SGMS2: variants seen among roughly 807,000 people sequenced by gnomAD.
SGMS2 encodes phosphatidylcholine:ceramide cholinephosphotransferase 2.
SGMS2 carries 21 observed loss-of-function variants against 43.8 expected under a neutral mutation model. The ratio of observed to expected loss-of-function variants is 0.48; its 90% CI spans 0.34 to 0.69. The LOEUF is 0.69. SGMS2 is among the 30% of genes least tolerant of loss of function. The pLI, the probability that SGMS2 is intolerant of heterozygous loss-of-function variation, is 0.01. For missense variants in SGMS2, 384 were observed against 443.2 expected (o/e 0.87, Z 1.20); for synonymous variants, 167 against 160.6 (o/e 1.04, Z -0.30).
At chr4:107,894,755 T>G (rs1304282707) in intron 2 of SGMS2, among the ~76,000 whole-genome samples, 1 of 152,222 alleles carries the variant, frequency 6.6e-6, no homozygotes, top group African/African-American at 2.4e-5. Flanking sequence ...ATTTTAAAAA[T>G]CTTGAATGTG....
intron 5 of SGMS2, chr4:107,907,119 TGA>T: frequency 6.6e-6 from 1 of 152,290 alleles, no homozygotes; most frequent in East Asian, 1.9e-4. Context: ...TGAGATTCCA[TGA>T]GTTTTCTTCC....
At chr4:107,908,799 G>A (rs1578674251) in intron 6 of SGMS2, 68 bp downstream of exon 6, 4 of 1,446,950 alleles carry the variant, frequency 2.8e-6, no homozygotes, top group East Asian at 2.3e-5. Context: ...TCATGTCGTG[G>A]GGTTTTAGAT....
chr4:107,847,026 T>G (rs373969017), intron 1 of SGMS2, among the ~76,000 whole-genome samples: 1 of 152,178 alleles, frequency 6.6e-6, no homozygotes, highest in Non-Finnish European at 1.5e-5. Flanking sequence ...CTTTGTCAGA[T>G]GAGTAGATTG....
intron 1 of SGMS2, among the ~76,000 whole-genome samples, chr4:107,848,505 G>T (rs986335523): frequency 6.6e-6 from 1 of 152,152 alleles, no homozygotes; most frequent in African/African-American, 2.4e-5. Context: ...CTGTCCACCA[G>T]TGTGGGTGGA....
At chr4:107,909,494 T>C (rs1731926739) in intron 6 of SGMS2, among the ~76,000 whole-genome samples, 1 of 152,200 alleles carries the variant, frequency 6.6e-6, no homozygotes, top group South Asian at 2.1e-4. Context: ...ATAATGGTGC[T>C]CTCTGGCTTC....
intron 1 of SGMS2, among the ~76,000 whole-genome samples, chr4:107,850,281 C>A (rs1727064338): frequency 6.6e-6 from 1 of 152,090 alleles, no homozygotes; most frequent in South Asian, 2.1e-4. Context: ...AACCTCTTTT[C>A]TTTATAAATT....
At chr4:107,825,335 T>C (rs1237011057) in intron 1 of SGMS2, 82 bp downstream of exon 1, 4 of 152,346 alleles carry the variant, frequency 2.6e-5, no homozygotes, top group African/African-American at 9.7e-5. Context: ...GAAAGGTGGA[T>C]TGCGAAGCGG....
intron 1 of SGMS2, among the ~76,000 whole-genome samples, chr4:107,852,095 G>T (rs1727181698): frequency 6.6e-6 from 1 of 150,622 alleles, no homozygotes; most frequent in East Asian, 1.9e-4. Flanking sequence ...TTGAGACAGA[G>T]TCTCACTTTT....
intron 1 of SGMS2, among the ~76,000 whole-genome samples, chr4:107,856,004 A>T (rs1325840369): frequency 6.6e-6 from 1 of 152,156 alleles, no homozygotes; most frequent in Non-Finnish European, 1.5e-5. Context: ...ATCCTTGTTC[A>T]TAAACATCAA....
chr4:107,849,052 G>A (rs1726991103), intron 1 of SGMS2, among the ~76,000 whole-genome samples: 1 of 152,024 alleles, frequency 6.6e-6, no homozygotes, highest in African/African-American at 2.4e-5. Context: ...AAGTCGGGTT[G>A]TTCAGCACAA....
At chr4:107,873,361 C>A (rs1369193475) in intron 2 of SGMS2, 2 of 152,090 alleles carry the variant, frequency 1.3e-5, no homozygotes, top group Non-Finnish European at 2.9e-5. Context: ...TGTTTCTCTA[C>A]TCCCTGCAGA....
intron 1 of SGMS2, among the ~76,000 whole-genome samples, chr4:107,842,169 A>G (rs562522010): frequency 1.1e-4 from 17 of 152,204 alleles, no homozygotes; most frequent in Admixed American, 9.8e-4. Flanking sequence ...GGTGTGTAGT[A>G]GGCTGTTCTT....
chr4:107,853,335 A>T (rs1727256654), intron 1 of SGMS2, among the ~76,000 whole-genome samples: 1 of 152,192 alleles, frequency 6.6e-6, no homozygotes, highest in Non-Finnish European at 1.5e-5. Context: ...GTTGCCTTTC[A>T]ATATATTTTA....
chr4:107,855,348 G>A (rs1374650096), intron 1 of SGMS2, among the ~76,000 whole-genome samples: 1 of 151,930 alleles, frequency 6.6e-6, no homozygotes, highest in Non-Finnish European at 1.5e-5. Context: ...AATTCCCTCG[G>A]TACTGCTTTT....
chr4:107,847,846 C>T (rs1341688339), intron 1 of SGMS2, among the ~76,000 whole-genome samples: 1 of 152,064 alleles, frequency 6.6e-6, no homozygotes, highest in Non-Finnish European at 1.5e-5. Context: ...GTACTGAGTT[C>T]CCATAAGCTA....
intron 1 of SGMS2, among the ~76,000 whole-genome samples, chr4:107,854,342 C>T (rs1185996739): frequency 6.6e-6 from 1 of 152,196 alleles, no homozygotes; most frequent in African/African-American, 2.4e-5. Flanking sequence ...TACAATAAAA[C>T]ATGGCTTAAG....
At chr4:107,867,863 A>G (rs1728245762) in intron 2 of SGMS2, 2 of 152,152 alleles carry the variant, frequency 1.3e-5, no homozygotes, top group South Asian at 4.1e-4. Context: ...GGCCATGCTA[A>G]TCTCTGCGTC....
intron 1 of SGMS2, among the ~76,000 whole-genome samples, chr4:107,855,609 A>G (rs1277254758): frequency 3.3e-5 from 5 of 152,172 alleles, no homozygotes; most frequent in African/African-American, 1.2e-4. Context: ...CTAAGATATG[A>G]TCTATTCTGG....
chr4:107,900,320 C>T (rs1010637553), intron 4 of SGMS2, among the ~76,000 whole-genome samples: 2 of 152,120 alleles, frequency 1.3e-5, no homozygotes, highest in Non-Finnish European at 2.9e-5. Flanking sequence ...GTAGGGAGGC[C>T]GGTGTCTCAG....
Sources: gnomAD v4.1 joint callset for allele counts (sites outside exome capture counted in the v4.1 genomes callset) on GRCh38, gnomAD v4.1.1 for gene constraint, MANE v1.5 for transcripts, NCBI Gene and HGNC (gene_info 2026-07-23, HGNC 2026-07-21) for gene names.